EBF2: variants seen among roughly 807,000 people sequenced by gnomAD.
EBF2 encodes transcription factor COE2.
A neutral mutation model predicts 72.8 loss-of-function variants in EBF2; 21 were observed. That is an observed-to-expected ratio of 0.29 (90% CI 0.20 to 0.42). The LOEUF (loss-of-function observed/expected upper bound fraction) is 0.42, where lower values mean the gene tolerates loss of function less well. Among genes scored for constraint, EBF2 ranks in the 10% least tolerant of loss-of-function variants. EBF2 has a pLI of 1.00. For synonymous variants in EBF2, 299 were observed against 274.2 expected (o/e 1.09, Z -0.89); for missense variants, 637 against 731.2 (o/e 0.87, Z 1.49).
intron 6 of EBF2, among the ~76,000 whole-genome samples, chr8:26,003,312 T>C (rs1303582521): frequency 6.6e-6 from 1 of 152,166 alleles, no homozygotes; most frequent in Non-Finnish European, 1.5e-5. Flanking sequence ...TGCTGCTTCT[T>C]CCCCATCCCT....
chr8:25,876,713 G>A (rs1378687175), intron 10 of EBF2, among the ~76,000 whole-genome samples: 1 of 152,178 alleles, frequency 6.6e-6, no homozygotes, highest in Non-Finnish European at 1.5e-5. Flanking sequence ...AGTAGTACAG[G>A]TTAGGTGTTA....
chr8:25,965,524 G>A (rs979964005), intron 6 of EBF2, among the ~76,000 whole-genome samples: 1 of 152,200 alleles, frequency 6.6e-6, no homozygotes, highest in African/African-American at 2.4e-5. Flanking sequence ...GAAGTGAAAA[G>A]TGAATGTAGC....
intron 10 of EBF2, among the ~76,000 whole-genome samples, chr8:25,865,671 C>T (rs1411368564): frequency 5.9e-5 from 9 of 151,634 alleles, no homozygotes; most frequent in Admixed American, 5.2e-4. Flanking sequence ...AAGCAATCGT[C>T]CGCCTTGGCC....
intron 8 of EBF2, among the ~76,000 whole-genome samples, chr8:25,889,135 A>G (rs1484879167): frequency 6.6e-6 from 1 of 152,198 alleles, no homozygotes; most frequent in African/African-American, 2.4e-5. Flanking sequence ...TCTGTATTAT[A>G]AGGTCTTTCT....
intron 7 of EBF2, among the ~76,000 whole-genome samples, chr8:25,892,046 C>T (rs1030796606): frequency 1.3e-5 from 2 of 152,174 alleles, no homozygotes; most frequent in Non-Finnish European, 2.9e-5. Flanking sequence ...CTACAGTAGA[C>T]CCCTTATCCA....
At chr8:25,853,685 G>A (rs1802028396) in intron 14 of EBF2, among the ~76,000 whole-genome samples, 1 of 151,784 alleles carries the variant, frequency 6.6e-6, no homozygotes, top group Admixed American at 6.6e-5. Flanking sequence ...AAAATAATAG[G>A]TTCAAGGGCA....
At position 26,044,041 on chromosome 8, in the gene EBF2, G is replaced by A. The variant is rs62499144; in HGVS notation, c.131+688C>T. ...CCTTTTCTCGCCTCTTTCTTCTTCCGCAACTCTTTCTACTGTGACTCAGTA... is the reference window on the plus strand; with the variant it reads ...CCTTTTCTCGCCTCTTTCTTCTTCCACAACTCTTTCTACTGTGACTCAGTA... On this transcript the variant is annotated intron_variant, in intron 1 of 15. Transcript: ENST00000520164. This position sits in a 1 kb window ranked among gnomAD's most constrained non-coding sequence, Gnocchi z 4.1. 0.13 allele frequency among the ~76,000 whole-genome samples: 19,644 copies of A among 152,216 alleles called. 1,369 individuals are homozygous for A. The highest frequency in any genetic ancestry group is 0.17 in the Middle Eastern group (50 of 294).
At chr8:25,919,247 A>C (rs1803271396) in intron 6 of EBF2, among the ~76,000 whole-genome samples, 1 of 152,178 alleles carries the variant, frequency 6.6e-6, no homozygotes, top group Admixed American at 6.5e-5. Context: ...TGGGTAGGTC[A>C]CTTGTTAGAA....
At chr8:25,932,595 A>G (rs1247893060) in intron 6 of EBF2, among the ~76,000 whole-genome samples, 1 of 152,202 alleles carries the variant, frequency 6.6e-6, no homozygotes, top group African/African-American at 2.4e-5. Flanking sequence ...GCAAAGGTTA[A>G]AAACAACATT....
intron 6 of EBF2, among the ~76,000 whole-genome samples, chr8:25,926,827 C>T (rs1803395882): frequency 6.6e-6 from 1 of 152,174 alleles, no homozygotes; most frequent in South Asian, 2.1e-4. Flanking sequence ...CGTAAATTCA[C>T]CAAACTGCCC....
At chr8:26,038,911 TA>T (rs1216909603) in intron 5 of EBF2, among the ~76,000 whole-genome samples, 1 of 152,208 alleles carries the variant, frequency 6.6e-6, no homozygotes, top group Non-Finnish European at 1.5e-5. Context: ...CAGTACACAC[TA>T]AATCAGATAA....
intron 10 of EBF2, among the ~76,000 whole-genome samples, chr8:25,877,471 G>A (rs879861299): frequency 5.3e-5 from 8 of 152,210 alleles, no homozygotes; most frequent in Non-Finnish European, 8.8e-5. Flanking sequence ...ACGGTTGGTG[G>A]AAAATTGACC....
At chr8:26,025,906 CCACACCAGTAA>C (rs1437735818) in intron 6 of EBF2, among the ~76,000 whole-genome samples, 1 of 152,074 alleles carries the variant, frequency 6.6e-6, no homozygotes, top group Non-Finnish European at 1.5e-5. Flanking sequence ...GTGCAGCAGC[CCACACCAGTAA>C]TCACAACACT....
At chr8:26,007,825 C>T (rs896798075) in intron 6 of EBF2, among the ~76,000 whole-genome samples, 1 of 151,850 alleles carries the variant, frequency 6.6e-6, no homozygotes, top group Non-Finnish European at 1.5e-5. Flanking sequence ...CACACACACA[C>T]ACTACAGAGA....
chr8:25,990,035 G>GA (rs1345859299), intron 6 of EBF2, among the ~76,000 whole-genome samples: 6 of 152,134 alleles, frequency 3.9e-5, no homozygotes, highest in African/African-American at 1.4e-4. Flanking sequence ...AGTAGAAAAG[G>GA]AAACCTGAGA....
intron 6 of EBF2, among the ~76,000 whole-genome samples, chr8:26,022,834 C>T (rs1805225545): frequency 6.6e-6 from 1 of 152,174 alleles, no homozygotes; most frequent in South Asian, 2.1e-4. Context: ...TCCTTATAGG[C>T]TTTGGTCTAG....
At chr8:25,951,355 T>G (rs1476083057) in intron 6 of EBF2, among the ~76,000 whole-genome samples, 2 of 152,196 alleles carry the variant, frequency 1.3e-5, no homozygotes, top group Non-Finnish European at 2.9e-5. Flanking sequence ...GATTACCAGC[T>G]GGGAGAGCAA....
chr8:25,847,775 T>C (rs1292972783), intron 15 of EBF2, among the ~76,000 whole-genome samples: 3 of 152,182 alleles, frequency 2.0e-5, no homozygotes, highest in Non-Finnish European at 4.4e-5. Context: ...CTTTAAGGAT[T>C]TCTCCACACG....
chr8:25,858,163 A>C (rs1368631233), intron 14 of EBF2, 156 bp downstream of exon 14: 1 of 963,490 alleles, frequency 1.0e-6, no homozygotes. Context: ...AGCTAAGGGA[A>C]AAGAACGAAA....
Sources: gnomAD v4.1 joint callset for allele counts (sites outside exome capture counted in the v4.1 genomes callset) on GRCh38, gnomAD v4.1.1 for gene constraint, Gnocchi (gnomAD v3.1) non-coding constraint, MANE v1.5 for transcripts, NCBI Gene and HGNC (gene_info 2026-07-23, HGNC 2026-07-21) for gene names.